DYNC2LI1: variants seen among roughly 807,000 people sequenced by gnomAD.
DYNC2LI1 encodes cytoplasmic dynein 2 light intermediate chain 1.
In DYNC2LI1, 45 loss-of-function variants were observed where a neutral mutation model predicts 51.9. The observed-to-expected ratio is 0.87, with a 90% CI of 0.68 to 1.11. DYNC2LI1 has a LOEUF of 1.11. Among genes scored for constraint, DYNC2LI1 ranks in the 50% most tolerant of loss-of-function variants. The pLI, the probability that DYNC2LI1 is intolerant of heterozygous loss-of-function variation, is 0.00. For missense variants in DYNC2LI1, 490 were observed against 417.4 expected, an observed-to-expected ratio of 1.17 and a Z score of -1.51; for synonymous variants, 130 against 137.8, an observed-to-expected ratio of 0.94 and a Z score of 0.40.
intron 8 of DYNC2LI1, among the ~76,000 whole-genome samples, chr2:43,797,495 AAT>A (rs1285810603): frequency 6.6e-6 from 1 of 150,828 alleles, no homozygotes; most frequent in Admixed American, 6.6e-5. Context: ...AATGTCCTTT[AAT>A]GCAATAAAAT....
At chr2:43,780,254 C>G (rs13395550) in intron 2 of DYNC2LI1, among the ~76,000 whole-genome samples, 14,233 of 152,218 alleles carry the variant, frequency 0.094, 842 homozygotes, top group Admixed American at 0.2. Context: ...AAGATGTAAC[C>G]TTGGAAGTGA....
intron 3 of DYNC2LI1, among the ~76,000 whole-genome samples, chr2:43,784,508 C>T (rs550934912): frequency 2.6e-4 from 39 of 151,870 alleles, no homozygotes; most frequent in African/African-American, 9.2e-4. Flanking sequence ...GGCGCCATCT[C>T]GGCTCACTGC....
the DYNC2LI1 span, among the ~76,000 whole-genome samples, chr2:43,827,694 G>A: frequency 6.6e-6 from 1 of 152,190 alleles, no homozygotes; most frequent in Non-Finnish European, 1.5e-5. Flanking sequence ...GAGAAGAAAT[G>A]ATTGGCAGGG....
At chr2:43,775,480 T>C (rs1385428152) in intron 1 of DYNC2LI1, among the ~76,000 whole-genome samples, 3 of 148,866 alleles carry the variant, frequency 2.0e-5, no homozygotes, top group Non-Finnish European at 4.4e-5. Context: ...TAGGGTTTTT[T>C]TTTCTTTCTT....
chr2:43,818,241 C>T, the DYNC2LI1 span, among the ~76,000 whole-genome samples: 4 of 152,030 alleles, frequency 2.6e-5, no homozygotes, highest in African/African-American at 7.2e-5. Context: ...CACTTGAGGT[C>T]GAGACTAGCC....
At chr2:43,819,600 A>G in the DYNC2LI1 span, among the ~76,000 whole-genome samples, 6 of 152,064 alleles carry the variant, frequency 3.9e-5, no homozygotes, top group African/African-American at 1.4e-4. Context: ...TATTTAGCCT[A>G]TCATGTGGGC....
chr2:43,810,363 C>T (rs1020836179), downstream of DYNC2LI1: 21 of 985,138 alleles, frequency 2.1e-5, no homozygotes, highest in Non-Finnish European at 2.5e-5. Flanking sequence ...ATTTTAAATA[C>T]CACTTTTTGA....
At chr2:43,789,222 A>T (rs1673664962) in intron 4 of DYNC2LI1, among the ~76,000 whole-genome samples, 1 of 152,190 alleles carries the variant, frequency 6.6e-6, no homozygotes, top group Admixed American at 6.5e-5. Context: ...TGTCTTCCTA[A>T]ATAGGAATGT....
chr2:43,805,150 T>C lies in DYNC2LI1; in HGVS notation c.901-4T>C, dbSNP rs1355646729. On this transcript the variant is annotated splice_polypyrimidine_tract_variant and splice_region_variant and intron_variant, in intron 11 of 12. Transcript: ENST00000260605. ...TGAAGTGATTTTGAGATTTGTAATT[T>C]CAGAGTATTAACACGCTGAAAGATA... 1.3e-6 allele frequency: 2 copies of C among 1,594,362 alleles called. No homozygotes were observed. The highest frequency in any genetic ancestry group is 1.7e-6 in the Non-Finnish European group (2 of 1,167,054).
rs17039138 is a variant in DYNC2LI1, at chr2:43,798,571, A to G, written c.654+1776A>G. On this transcript the variant is annotated intron_variant, in intron 8 of 12. Transcript: ENST00000260605. The stretch of plus-strand genomic sequence containing the variant: ...TTTCTTTAGGAACAGATTACATTTG[A>G]TGGAGGGTCCAGTCTGGTCTCATGG... Among the ~76,000 whole-genome samples the G allele has an allele frequency of 6.6e-3, 1,008 of 152,316 alleles. 13 individuals carry two copies. The highest frequency in any genetic ancestry group is 0.023 in the African/African-American group (953 of 41,580).
At chr2:43,816,526 C>T in the DYNC2LI1 span, among the ~76,000 whole-genome samples, 2 of 152,306 alleles carry the variant, frequency 1.3e-5, no homozygotes, top group South Asian at 4.1e-4. Context: ...ACATTGTCCA[C>T]ATTAGGTTGG....
chr2:43,822,905 T>C, the DYNC2LI1 span: 3 of 1,614,064 alleles, frequency 1.9e-6, no homozygotes, highest in Non-Finnish European at 2.5e-6. Context: ...GTCCTGACTC[T>C]CCTGGTCGCT....
rs113448639 is a variant in DYNC2LI1 at position 43,775,602 on chromosome 2, A to G, written c.9-1180A>G. ...AGCCTCGACCTCCAGGGCTCAGGCA[A>G]TCCTCCTGCCTCAGCCTCCCTAGTA... On this transcript the variant is annotated intron_variant, in intron 1 of 12. Coordinates refer to ENST00000260605, the MANE Select transcript of DYNC2LI1 (RefSeq NM_016008.4). The G allele has an allele frequency of 3.9e-3, 1,090 of 281,770 alleles. 12 individuals are homozygous for G. Among genetic ancestry groups the G allele is most frequent in the African/African-American group, 0.024 (1,003 of 42,374 alleles). 17.5% of individuals were successfully genotyped at this position (281,770 alleles called of 1,614,324 possible). A position where few individuals can be genotyped will look rare whatever the true frequency, so the allele number is the denominator to read the frequency against.
At chr2:43,786,487 T>C (rs1233906766) in intron 3 of DYNC2LI1, among the ~76,000 whole-genome samples, 1 of 152,086 alleles carries the variant, frequency 6.6e-6, no homozygotes, top group African/African-American at 2.4e-5. Context: ...TGGCCAAGTC[T>C]TGCATTGATG....
chr2:43,817,648 G>A, the DYNC2LI1 span, among the ~76,000 whole-genome samples: 3 of 151,940 alleles, frequency 2.0e-5, no homozygotes, highest in Non-Finnish European at 2.9e-5. Context: ...GGTGGCTCAC[G>A]TCTATAATCC....
At chr2:43,801,008 G>A in intron 9 of DYNC2LI1, 91 bp downstream of exon 9, 1 of 668,028 alleles carries the variant, frequency 1.5e-6, no homozygotes, top group Non-Finnish European at 2.3e-6. Context: ...AGTCTCTTGT[G>A]TCTTGACCAG....
chr2:43,800,378 C>T (rs1458698285), intron 8 of DYNC2LI1, among the ~76,000 whole-genome samples: 1 of 152,206 alleles, frequency 6.6e-6, no homozygotes, highest in Non-Finnish European at 1.5e-5. Flanking sequence ...TGCAGTCCCA[C>T]AGTGACTCTT....
chr2:43,822,999 C>T, the DYNC2LI1 span: 2 of 1,595,698 alleles, frequency 1.3e-6, no homozygotes, highest in East Asian at 2.3e-5. Flanking sequence ...GGAGGGCTAG[C>T]CCAAGCTGAA....
intron 7 of DYNC2LI1, 90 bp downstream of exon 7, chr2:43,796,048 A>T (rs573483642): frequency 1.1e-6 from 1 of 929,664 alleles, no homozygotes; most frequent in Non-Finnish European, 1.7e-6. Flanking sequence ...AAAATAAGAA[A>T]AATAATTATT....
Sources: gnomAD v4.1 joint callset for allele counts (sites outside exome capture counted in the v4.1 genomes callset) on GRCh38, gnomAD v4.1.1 for gene constraint, MANE v1.5 for transcripts, NCBI Gene and HGNC (gene_info 2026-07-23, HGNC 2026-07-21) for gene names.